The following OR2L13 variants were observed in gnomAD, a reference collection of about 807,000 sequenced individuals.
OR2L13 encodes the protein olfactory receptor 2L13.
OR2L13 carries 14 observed loss-of-function variants against 15.3 expected under a neutral mutation model. That is an observed-to-expected ratio of 0.91 (90% CI 0.60 to 1.43). The LOEUF (loss-of-function observed/expected upper bound fraction) is 1.43, where lower values mean the gene tolerates loss of function less well. Ranked by LOEUF, OR2L13 falls within the 40% of genes most tolerant of loss-of-function variation. OR2L13 has a pLI of 0.00. For missense variants in OR2L13, 367 were observed against 387.9 expected, an observed-to-expected ratio of 0.95 and a Z score of 0.45; for synonymous variants, 152 against 142.9, an observed-to-expected ratio of 1.06 and a Z score of -0.45.
the OR2L13 span, among the ~76,000 whole-genome samples, chr1:248,029,422 T>A: frequency 9.2e-5 from 14 of 151,828 alleles, no homozygotes; most frequent in Non-Finnish European, 1.8e-4. Context: ...TGAGAACATT[T>A]AAAGCACTCT....
At chr1:248,099,988 T>A (rs200991925) in exon 3 of OR2L13, 2 of 1,614,158 alleles carry the variant, frequency 1.2e-6, no homozygotes, top group Non-Finnish European at 1.7e-6. Context: ...TACAAGCCTC[T>A]TTCTCCTTTT....
chr1:248,054,820 A>C, the OR2L13 span, among the ~76,000 whole-genome samples: 14 of 152,212 alleles, frequency 9.2e-5, no homozygotes, highest in African/African-American at 3.1e-4. Flanking sequence ...GAATTTGCTT[A>C]TCAGCTTAAG....
At chr1:248,073,818 C>T in the OR2L13 span, among the ~76,000 whole-genome samples, 2 of 151,606 alleles carry the variant, frequency 1.3e-5, no homozygotes, top group African/African-American at 2.4e-5. Flanking sequence ...AAACATTATA[C>T]ACTTAAAAAC....
At chr1:248,076,989 T>A in the OR2L13 span, among the ~76,000 whole-genome samples, 2 of 152,108 alleles carry the variant, frequency 1.3e-5, no homozygotes, top group East Asian at 3.9e-4. Flanking sequence ...TGTCATAAAT[T>A]GCTCTGATTA....
the OR2L13 span, among the ~76,000 whole-genome samples, chr1:247,952,459 C>CA: frequency 6.6e-6 from 1 of 152,032 alleles, no homozygotes; most frequent in Non-Finnish European, 1.5e-5. Flanking sequence ...AAAGGAGGCT[C>CA]GAGGGAGCTT....
At chr1:248,079,880 G>A in the OR2L13 span, among the ~76,000 whole-genome samples, 8 of 152,120 alleles carry the variant, frequency 5.3e-5, no homozygotes, top group Non-Finnish European at 1.5e-5. Context: ...TTATCTTCAT[G>A]CAACTAAAAC....
At chr1:247,953,527 A>G in the OR2L13 span, among the ~76,000 whole-genome samples, 5,120 of 152,292 alleles carry the variant, frequency 0.034, 287 homozygotes, top group African/African-American at 0.12. Context: ...CTGTGGTTCA[A>G]TAGTCAAATA....
the OR2L13 span, among the ~76,000 whole-genome samples, chr1:247,941,026 C>T: frequency 6.6e-6 from 1 of 151,904 alleles, no homozygotes; most frequent in Non-Finnish European, 1.5e-5. Flanking sequence ...TTTTCGTATG[C>T]TTGTTGGCCA....
At chr1:248,039,399 G>C in the OR2L13 span, 153 of 408,376 alleles carry the variant, frequency 3.7e-4, 2 homozygotes, top group Middle Eastern at 5.3e-3. Flanking sequence ...TTTTGATTTT[G>C]TTTGTGTGTG....
the OR2L13 span, among the ~76,000 whole-genome samples, chr1:247,969,444 T>C: frequency 1.5e-4 from 23 of 152,182 alleles, no homozygotes; most frequent in Non-Finnish European, 2.9e-4. Flanking sequence ...ATAACACACG[T>C]TCCCCTATGT....
At chr1:248,036,513 C>G in the OR2L13 span, among the ~76,000 whole-genome samples, 2 of 152,058 alleles carry the variant, frequency 1.3e-5, no homozygotes, top group Non-Finnish European at 2.9e-5. Context: ...TGTATTGATC[C>G]TTAAGTGAGT....
chr1:248,022,425 G>A, the OR2L13 span: 14 of 1,614,194 alleles, frequency 8.7e-6, no homozygotes, highest in Middle Eastern at 1.6e-4. Flanking sequence ...TGCTCACACA[G>A]TATATGCATT....
the OR2L13 span, chr1:248,003,406 C>T: frequency 6.2e-7 from 1 of 1,609,816 alleles, no homozygotes; most frequent in African/African-American, 1.3e-5. Flanking sequence ...AGTCTATCTC[C>T]TTCACTGGGT....
the OR2L13 span, among the ~76,000 whole-genome samples, chr1:247,976,241 C>G: frequency 6.6e-6 from 1 of 152,098 alleles, no homozygotes; most frequent in Non-Finnish European, 1.5e-5. Context: ...GAACCATTCC[C>G]CAGTCACATC....
At chr1:247,963,411 C>T in the OR2L13 span, among the ~76,000 whole-genome samples, 2 of 152,144 alleles carry the variant, frequency 1.3e-5, no homozygotes, top group African/African-American at 4.8e-5. Flanking sequence ...GCTTTCATTG[C>T]CATGATGGTT....
the OR2L13 span, among the ~76,000 whole-genome samples, chr1:247,998,897 TTG>T: frequency 0.028 from 4,270 of 152,250 alleles, 166 homozygotes; most frequent in African/African-American, 0.098. Context: ...CGCAGAGTTT[TTG>T]TGAGAAGCAA....
chr1:247,957,686 G>C, the OR2L13 span, among the ~76,000 whole-genome samples: 3 of 152,110 alleles, frequency 2.0e-5, no homozygotes, highest in Non-Finnish European at 4.4e-5. Context: ...TGTATGTGTT[G>C]AGGAATTTAT....
Position 248,099,611 on chromosome 1 carries a change from A to G in OR2L13, c.236A>G (p.Lys79Arg), listed in dbSNP as rs563878719. The G allele has an allele frequency of 9.3e-6, 15 of 1,614,036 alleles. 1 individual carries two copies. In the South Asian group the frequency reaches 1.6e-4, roughly 18 times the overall value. Residue 79 changes from lysine to arginine, a missense_variant, in exon 3 of 3, where the codon AAG (lysine) becomes AGG (arginine). By Grantham distance (26) the Lys-to-Arg change is conservative. Transcript: ENST00000641714. ...ATGTACATCTCCACCACCGTCCCCA[A>G]GATGGCGTACAACTTCCTGTCCGGC...
the OR2L13 span, chr1:248,003,332 A>T: frequency 6.3e-7 from 1 of 1,596,212 alleles, no homozygotes. Flanking sequence ...GCTCTCCCTC[A>T]TTGACCTAAA....
Sources: allele counts gnomAD v4.1 joint callset (sites outside exome capture counted in the v4.1 genomes callset), GRCh38; gene constraint gnomAD v4.1.1; transcripts MANE v1.5; gene names NCBI Gene and HGNC (gene_info 2026-07-23, HGNC 2026-07-21).